Variants in DPP6 observed in about 807,000 individuals in gnomAD.
DPP6 encodes the protein A-type potassium channel modulatory protein DPP6.
A neutral mutation model predicts 122.6 loss-of-function variants in DPP6; 69 were observed. That is an observed-to-expected ratio of 0.56 (90% CI 0.46 to 0.69). The LOEUF (loss-of-function observed/expected upper bound fraction) is 0.69. DPP6 is among the 30% of genes least tolerant of loss of function. DPP6 has a pLI of 0.00. For synonymous variants in DPP6, 418 were observed against 433.1 expected, an observed-to-expected ratio of 0.97 and a Z score of 0.43; for missense variants, 928 against 1,116.9, an observed-to-expected ratio of 0.83 and a Z score of 2.41.
the DPP6 span, among the ~76,000 whole-genome samples, chr7:153,860,789 T>C: frequency 2.6e-5 from 4 of 152,230 alleles, no homozygotes; most frequent in African/African-American, 9.7e-5. Context: ...TTCAAAACTA[T>C]TTATAGCATA....
intron 1 of DPP6, among the ~76,000 whole-genome samples, chr7:154,425,613 T>TGG (rs553194580): frequency 2.3e-5 from 3 of 130,292 alleles, no homozygotes; most frequent in Admixed American, 7.2e-5. Context: ...AATGTGTGTG[T>TGG]GTGTGTGGGT....
the DPP6 span, among the ~76,000 whole-genome samples, chr7:153,869,938 G>A: frequency 6.6e-6 from 1 of 152,216 alleles, no homozygotes; most frequent in Non-Finnish European, 1.5e-5. Flanking sequence ...ATGAAATTCT[G>A]GGTTGAAAAT....
At chr7:154,783,259 G>A (rs1563205613) in intron 10 of DPP6, among the ~76,000 whole-genome samples, 1 of 152,122 alleles carries the variant, frequency 6.6e-6, no homozygotes, top group East Asian at 1.9e-4. Context: ...GACCTCCCTG[G>A]GCGAGGGTGA....
chr7:154,210,975 C>A (rs1171214767), intron 1 of DPP6, among the ~76,000 whole-genome samples: 2 of 152,120 alleles, frequency 1.3e-5, no homozygotes, highest in African/African-American at 4.8e-5. Context: ...GAAAAAGAAA[C>A]AGGCCTGGAG....
Position 154,808,378 on chromosome 7 carries a change from C to T in DPP6, c.1666+1266C>T, listed in dbSNP as rs549197632. On this transcript the variant is annotated intron_variant, in intron 16 of 25. Transcript: ENST00000377770. ...TTCTTCTAAGACAGCAAGGAGACCA[C>T]GGAGGGATGAGGGGGGTGCGACTGA... Among the ~76,000 whole-genome samples, 13 of 152,222 alleles carry T rather than the reference C, an allele frequency of 8.5e-5. No individual in the cohort carries two copies. In the South Asian group the frequency reaches 2.7e-3, roughly 32 times the overall value.
At chr7:154,608,890 G>C (rs1833739965) in intron 5 of DPP6, among the ~76,000 whole-genome samples, 1 of 152,146 alleles carries the variant, frequency 6.6e-6, no homozygotes, top group Non-Finnish European at 1.5e-5. Context: ...AACTGCTTCA[G>C]TTCAGGTAGA....
chr7:154,825,948 A>C (rs1049709226), intron 16 of DPP6, among the ~76,000 whole-genome samples: 3 of 152,188 alleles, frequency 2.0e-5, no homozygotes, highest in Admixed American at 1.3e-4. Context: ...TCTAGGTGAG[A>C]AGGTAGCAGA....
chr7:154,508,795 T>C (rs1297102028), intron 3 of DPP6, among the ~76,000 whole-genome samples: 5 of 152,194 alleles, frequency 3.3e-5, no homozygotes, highest in East Asian at 1.9e-4. Context: ...GAAAATAGCA[T>C]AGATTTTCTA....
chr7:154,102,792 A>G (rs1805846551), intron 1 of DPP6, among the ~76,000 whole-genome samples: 1 of 152,204 alleles, frequency 6.6e-6, no homozygotes, highest in South Asian at 2.1e-4. Context: ...CTTTTTCCTG[A>G]TGCTTTAATC....
Position 154,052,950 on chromosome 7 carries a change from C to T in DPP6, c.130C>T (p.Leu44Phe). Residue 44 changes from leucine (L) to phenylalanine (F), a missense_variant, in exon 1 of 26, where the codon CTC (leucine) becomes TTC (phenylalanine). By Grantham distance (22) the Leu-to-Phe change is conservative. Transcript: ENST00000377770. The surrounding 1 kb of genome is among the most constrained non-coding windows in gnomAD (Gnocchi z 4.8). The stretch of plus-strand genomic sequence containing the variant: ...GGACGGCGGCGCAGGAGCCAAGCCC[C>T]TCGGCCCGCGGGCGCAGGCGGCGGC... Reference protein sequence around the residue: ...EEDGGAGAKPLGPRAQAAAPR... With the variant: ...EEDGGAGAKPFGPRAQAAAPR... 8.1e-7 allele frequency: 1 copy of T among 1,228,254 alleles called. No individual in the cohort carries two copies. The allele number at this position is 1,228,254 out of a possible 1,614,324, so 76.1% of individuals were successfully genotyped here.
chr7:154,248,769 A>T (rs1054305761), intron 1 of DPP6, among the ~76,000 whole-genome samples: 1 of 152,076 alleles, frequency 6.6e-6, no homozygotes, highest in African/African-American at 2.4e-5. Flanking sequence ...AGGAGGCTGC[A>T]GCAGGAGAAT....
chr7:154,313,383 T>C (rs139573897), intron 1 of DPP6, among the ~76,000 whole-genome samples: 13 of 152,070 alleles, frequency 8.5e-5, no homozygotes, highest in African/African-American at 3.1e-4. Flanking sequence ...TATGAAAGTG[T>C]TTTGAAAGCA....
intron 1 of DPP6, among the ~76,000 whole-genome samples, chr7:154,416,133 G>A (rs539227784): frequency 2.6e-5 from 4 of 152,188 alleles, no homozygotes; most frequent in Non-Finnish European, 5.9e-5. Flanking sequence ...ATCTCACACC[G>A]TCCTGCTCCA....
At chr7:154,884,762 CACACAGGCAT>C (rs1805987282) in intron 21 of DPP6, 1 of 140,428 alleles carries the variant, frequency 7.1e-6, no homozygotes, top group Non-Finnish European at 1.6e-5. Context: ...CATACATGCT[CACACAGGCAT>C]ACACACATGC....
chr7:154,496,818 C>A (rs1166526694), intron 3 of DPP6, among the ~76,000 whole-genome samples: 1 of 152,184 alleles, frequency 6.6e-6, no homozygotes, highest in Non-Finnish European at 1.5e-5. Flanking sequence ...TCACGTGACA[C>A]CTGCTTGTTT....
intron 16 of DPP6, among the ~76,000 whole-genome samples, chr7:154,810,193 G>C (rs1044701642): frequency 6.6e-6 from 1 of 152,170 alleles, no homozygotes; most frequent in African/African-American, 2.4e-5. Flanking sequence ...CCCTTTGGAG[G>C]TCACAGCTCC....
chr7:154,694,537 G>A (rs913560514), intron 7 of DPP6, among the ~76,000 whole-genome samples: 3 of 152,088 alleles, frequency 2.0e-5, no homozygotes, highest in East Asian at 1.9e-4. Flanking sequence ...GCTTGAACCC[G>A]GGAGGCAGAG....
chr7:154,042,799 T>A (rs924866964), intron 1 of DPP6, among the ~76,000 whole-genome samples: 1 of 152,104 alleles, frequency 6.6e-6, no homozygotes, highest in Non-Finnish European at 1.5e-5. Context: ...GATAGAAGAG[T>A]CTGTGGATCA....
intron 20 of DPP6, among the ~76,000 whole-genome samples, chr7:154,879,427 A>G (rs1408032410): frequency 1.5e-5 from 2 of 134,532 alleles, no homozygotes; most frequent in African/African-American, 3.0e-5. Flanking sequence ...AAAAAAAAAA[A>G]AAAATACAAA....
Sources: allele counts gnomAD v4.1 joint callset (sites outside exome capture counted in the v4.1 genomes callset), GRCh38; gene constraint gnomAD v4.1.1; non-coding constraint Gnocchi (gnomAD v3.1); transcripts MANE v1.5; gene names NCBI Gene and HGNC (gene_info 2026-07-23, HGNC 2026-07-21).